The following AAMDC variants were observed in gnomAD, a reference collection of about 807,000 sequenced individuals.
The protein encoded by AAMDC is mth938 domain-containing protein.
In AAMDC, 16 loss-of-function variants were observed where a neutral mutation model predicts 15.5. That is an observed-to-expected ratio of 1.03 (90% CI 0.70 to 1.57). The LOEUF (loss-of-function observed/expected upper bound fraction) is 1.57, where lower values mean the gene tolerates loss of function less well. Among genes scored for constraint, AAMDC ranks in the 40% most tolerant of loss-of-function variants. The pLI is 0.00. For synonymous variants in AAMDC, 51 were observed against 51.6 expected (o/e 0.99, Z 0.05); for missense variants, 141 against 144.9 (o/e 0.97, Z 0.14).
intron 2 of AAMDC, among the ~76,000 whole-genome samples, chr11:77,864,127 A>G (rs1433078449): frequency 6.6e-6 from 1 of 151,862 alleles, no homozygotes; most frequent in East Asian, 2.0e-4. Context: ...GAGTTTCACC[A>G]TGTTTGCCAG....
chr11:77,849,195 C>T (rs921229099), intron 2 of AAMDC, among the ~76,000 whole-genome samples: 1 of 151,936 alleles, frequency 6.6e-6, no homozygotes, highest in Non-Finnish European at 1.5e-5. Flanking sequence ...TGCCTCCATA[C>T]CTGGCTAATT....
intron 5 of AAMDC, among the ~76,000 whole-genome samples, chr11:77,886,293 C>G (rs1453052164): frequency 6.6e-6 from 1 of 152,176 alleles, no homozygotes; most frequent in African/African-American, 2.4e-5. Context: ...TTGCTGGAAG[C>G]CTTCTTTCAT....
rs530805586 is a variant in AAMDC, at chr11:77,824,882, C to G, written c.-19+3641C>G. Among the ~76,000 whole-genome samples, 4 of 152,208 alleles carry G rather than the reference C, an allele frequency of 2.6e-5. No homozygotes were observed. In the South Asian group the frequency reaches 8.3e-4, roughly 32 times the overall value. The stretch of plus-strand genomic sequence containing the variant: ...GTTAATGGTTTATTCCTATATAATC[C>G]CAATTAGCATTGGTACCAGTCTGCC... On this transcript the variant is annotated intron_variant, in intron 1 of 3. Coordinates refer to ENST00000393427, the MANE Select transcript of AAMDC (RefSeq NM_024684.4).
intron 1 of AAMDC, among the ~76,000 whole-genome samples, chr11:77,825,385 AT>A (rs572082009): frequency 1.2e-3 from 189 of 152,288 alleles, no homozygotes; most frequent in African/African-American, 4.3e-3. Flanking sequence ...GGATGAGCAA[AT>A]TAGGTTTATC....
intron 2 of AAMDC, among the ~76,000 whole-genome samples, chr11:77,863,520 C>T (rs1053558118): frequency 6.6e-6 from 1 of 152,172 alleles, no homozygotes; most frequent in African/African-American, 2.4e-5. Context: ...TCCTGAGTAG[C>T]TGGGATTACA....
At chr11:77,840,945 T>C in intron 1 of AAMDC, 1 of 461,252 alleles carries the variant, frequency 2.2e-6, no homozygotes, top group Non-Finnish European at 3.9e-6. Context: ...TTAATCCATG[T>C]TGTGCTCCTA....
intron 1 of AAMDC, among the ~76,000 whole-genome samples, chr11:77,834,441 G>GTTTTTTTTTTTTTTTTT (rs11438814): frequency 9.5e-6 from 1 of 105,546 alleles, no homozygotes; most frequent in Non-Finnish European, 1.9e-5. Flanking sequence ...AGTTGATTTT[G>GTTTTTTTTTTTTTTTTT]TTTTTTTTTT....
At chr11:77,855,487 CT>C (rs1465331061) in intron 2 of AAMDC, 3 of 195,768 alleles carry the variant, frequency 1.5e-5, no homozygotes, top group Admixed American at 6.0e-5. Context: ...ACCCAGGTAA[CT>C]TTTTCTTTTT....
At chr11:77,857,984 G>A (rs1413201349) in intron 2 of AAMDC, among the ~76,000 whole-genome samples, 2 of 152,036 alleles carry the variant, frequency 1.3e-5, no homozygotes, top group African/African-American at 2.4e-5. Context: ...GTGAGCCAAC[G>A]TGCCCGGCCA....
intron 3 of AAMDC, 31 bp downstream of exon 3, chr11:77,869,848 G>A: frequency 6.3e-7 from 1 of 1,595,204 alleles, no homozygotes; most frequent in South Asian, 1.1e-5. Flanking sequence ...CATTCCTGAG[G>A]ACAGGTGGGG....
chr11:77,883,571 T>C (rs564182744), intron 5 of AAMDC, among the ~76,000 whole-genome samples: 3 of 152,234 alleles, frequency 2.0e-5, no homozygotes, highest in Admixed American at 1.3e-4. Flanking sequence ...GCCCTTTCCA[T>C]GAGACTCCAT....
At chr11:77,862,152 T>C in intron 2 of AAMDC, among the ~76,000 whole-genome samples, 1 of 152,210 alleles carries the variant, frequency 6.6e-6, no homozygotes, top group East Asian at 1.9e-4. Context: ...GTTCTGATTC[T>C]GTGTCCCAGT....
chr11:77,852,224 C>CAAAAAAAAAAAAAAAAAAAAAAAA (rs545742213), intron 2 of AAMDC, among the ~76,000 whole-genome samples: 17 of 33,486 alleles, frequency 5.1e-4, no homozygotes, highest in Admixed American at 7.9e-4. Context: ...GACACTGTCT[C>CAAAAAAAAAAAAAAAAAAAAAAAA]AAAAAAAAAA....
At chr11:77,839,393 T>C (rs1473608970) in intron 1 of AAMDC, among the ~76,000 whole-genome samples, 1 of 152,206 alleles carries the variant, frequency 6.6e-6, no homozygotes, top group Non-Finnish European at 1.5e-5. Flanking sequence ...AGTTCAACCT[T>C]TGTGGAAGAC....
At chr11:77,894,499 A>G (rs1591020627) in intron 5 of AAMDC, 3 of 535,322 alleles carry the variant, frequency 5.6e-6, no homozygotes, top group Non-Finnish European at 1.0e-5. Flanking sequence ...CTCCTAATGG[A>G]CCTGGGGGAA....
chr11:77,879,277 A>C, intron 5 of AAMDC: 2 of 788,264 alleles, frequency 2.5e-6, no homozygotes, highest in Non-Finnish European at 4.0e-6. Flanking sequence ...ACCAAACAAA[A>C]CACTGAGCCT....
chr11:77,868,120 A>G (rs1951204970), intron 2 of AAMDC, among the ~76,000 whole-genome samples: 1 of 150,362 alleles, frequency 6.7e-6, no homozygotes, highest in African/African-American at 2.5e-5. Flanking sequence ...CAGTGGCACA[A>G]TCTTGGCTCA....
intron 2 of AAMDC, among the ~76,000 whole-genome samples, chr11:77,869,503 C>T (rs1040287219): frequency 4.8e-4 from 27 of 56,178 alleles, no homozygotes; most frequent in Admixed American, 4.3e-3. Flanking sequence ...TGTAGAGACA[C>T]GGTCGGTCTC....
At chr11:77,856,818 T>C (rs1950642790) in intron 2 of AAMDC, among the ~76,000 whole-genome samples, 1 of 152,160 alleles carries the variant, frequency 6.6e-6, no homozygotes, top group African/African-American at 2.4e-5. Context: ...ACATTGGGGA[T>C]TACAATTCGA....
Sources: gnomAD v4.1 joint callset for allele counts (sites outside exome capture counted in the v4.1 genomes callset) on GRCh38, gnomAD v4.1.1 for gene constraint, MANE v1.5 for transcripts, NCBI Gene and HGNC (gene_info 2026-07-23, HGNC 2026-07-21) for gene names.